The following KLHL12 variants were observed in gnomAD, a reference collection of about 807,000 sequenced individuals.
The protein encoded by KLHL12 is kelch-like protein 12.
Under a neutral mutation model 60.8 loss-of-function variants are expected in KLHL12, and 17 were observed. That is an observed-to-expected ratio of 0.28 (90% confidence interval 0.19 to 0.42). KLHL12 has a LOEUF of 0.42. KLHL12 is among the 10% of genes least tolerant of loss of function. KLHL12 has a pLI of 1.00. For synonymous variants in KLHL12, 220 were observed against 250.9 expected (o/e 0.88, Z 1.16); for missense variants, 468 against 722.3 (o/e 0.65, Z 4.04).
intron 2 of KLHL12, among the ~76,000 whole-genome samples, chr1:202,924,577 T>C (rs1049897582): frequency 3.3e-5 from 5 of 152,084 alleles, no homozygotes; most frequent in African/African-American, 9.7e-5. Flanking sequence ...GTGGGCAACA[T>C]AGTGAGACCC....
intron 6 of KLHL12, among the ~76,000 whole-genome samples, chr1:202,898,822 GAACAACATAAGTACTCAAAAACA>G (rs1329918834): frequency 2.6e-5 from 4 of 151,836 alleles, no homozygotes; most frequent in African/African-American, 9.7e-5. Flanking sequence ...ATTCTGATTT[GAACAACATAAGTACTCAAAAACA>G]AACAACAAAA....
Position 202,894,264 on chromosome 1 carries a change from T to C in KLHL12, c.1313A>G (p.Asn438Ser). ...GTATTTCTCAACTGAATTTAAGATA[T>C]TCAAGCCGTCATATCCTCCTGGAAG... ...IYCLGGYDGL[N>S]ILNSVEKYDP... is the part of the protein sequence containing the mutation. Residue 438 changes from asparagine to serine, a missense_variant, in exon 10 of 12, where the codon AAT becomes AGT. Asn to Ser is a conservative substitution (Grantham distance 46). Transcript: ENST00000367261. 4 of 1,555,424 alleles carry C rather than the reference T, an allele frequency of 2.6e-6. No individual in the cohort carries two copies. The highest frequency in any genetic ancestry group is 1.2e-5 in the South Asian group (1 of 84,448).
intron 1 of KLHL12, among the ~76,000 whole-genome samples, chr1:202,926,072 T>G (rs1188821916): frequency 7.4e-6 from 1 of 134,478 alleles, no homozygotes; most frequent in Non-Finnish European, 1.5e-5. Context: ...ACCACTGCAC[T>G]CCAGCCTGGG....
At position 202,893,440 on chromosome 1, in the gene KLHL12, T is replaced by C. The variant is rs961368643; in HGVS notation, c.1394-15A>G. ...TACTCCTGCACCTGGGGAAAATGAA[T>C]GCATTAGCAAATGTATGGTACTAAG... On this transcript the variant is annotated splice_polypyrimidine_tract_variant and intron_variant, in intron 10 of 11. Transcript: ENST00000367261. The surrounding 1 kb of genome is among the most constrained non-coding windows in gnomAD (Gnocchi z 4.1). 3 of 1,599,688 alleles carry C rather than the reference T, an allele frequency of 1.9e-6. No individual in the cohort carries two copies. Among genetic ancestry groups the C allele is most frequent in the African/African-American group, 2.7e-5 (2 of 74,578 alleles).
In KLHL12 at chr1:202,893,663, A is replaced by G. The variant is rs1197099010; in HGVS notation, c.1394-238T>C. Among the ~76,000 whole-genome samples, 1 of 152,250 alleles carries G rather than the reference A, an allele frequency of 6.6e-6. No individual in the cohort carries two copies. The highest frequency in any genetic ancestry group is 2.4e-5 in the African/African-American group (1 of 41,456). ...AAAAATGGTTCTCTTCTTTACTTTC[A>G]TTAACTCAGAGCCCAACCCTTCTAA... is the stretch of plus-strand genomic sequence containing the variant. On this transcript the variant is annotated intron_variant, in intron 10 of 11. Coordinates refer to ENST00000367261, the MANE Select transcript of KLHL12 (RefSeq NM_021633.4). The surrounding 1 kb of genome is among the most constrained non-coding windows in gnomAD (Gnocchi z 4.1).
intron 6 of KLHL12, among the ~76,000 whole-genome samples, chr1:202,903,746 C>T (rs1660095711): frequency 6.7e-6 from 1 of 149,306 alleles, no homozygotes; most frequent in Admixed American, 6.8e-5. Flanking sequence ...CCTCAACCTC[C>T]CCAATAGCTG....
intron 6 of KLHL12, among the ~76,000 whole-genome samples, chr1:202,897,520 G>A (rs78442588): frequency 0.018 from 2,699 of 151,594 alleles, 44 homozygotes; most frequent in South Asian, 0.044. Flanking sequence ...CACTGTGCCC[G>A]GCAACACTGC....
intron 6 of KLHL12, among the ~76,000 whole-genome samples, chr1:202,905,481 T>C (rs1240552719): frequency 3.9e-5 from 6 of 152,148 alleles, no homozygotes; most frequent in African/African-American, 1.4e-4. Flanking sequence ...CTAGAGTGAG[T>C]GTCGGAAATT....
chr1:202,902,291 A>G (rs1481949806), intron 6 of KLHL12, among the ~76,000 whole-genome samples: 3 of 152,012 alleles, frequency 2.0e-5, no homozygotes, highest in African/African-American at 7.2e-5. Flanking sequence ...TCAGCCAGAC[A>G]TGGTAGCACA....
rs1045464817 is a variant in KLHL12 at position 202,892,252 on chromosome 1, G to C, written c.*281C>G. ...ACCAAGCATGTGGTAAGTTAGAAAT[G>C]ACAGGAAAGTGCTCCCCAAAGCAGT... On this transcript the variant is annotated 3_prime_UTR_variant, in exon 12 of 12. Coordinates refer to ENST00000367261, the MANE Select transcript of KLHL12 (RefSeq NM_021633.4). 16 of 371,744 alleles carry C rather than the reference G, an allele frequency of 4.3e-5. No individual in the cohort carries two copies. The highest frequency in any genetic ancestry group is 7.5e-5 in the Non-Finnish European group (15 of 200,494). The allele number at this position is 371,744 out of a possible 1,614,324, so 23.0% of individuals were successfully genotyped here.
chr1:202,896,722 T>A, intron 7 of KLHL12, 132 bp downstream of exon 7: 1 of 732,066 alleles, frequency 1.4e-6, no homozygotes, highest in Non-Finnish European at 2.4e-6. Flanking sequence ...ACCTACTATA[T>A]GCACAAGACT....
chr1:202,917,428 G>A (rs962988093), intron 4 of KLHL12, among the ~76,000 whole-genome samples: 2 of 129,236 alleles, frequency 1.5e-5, no homozygotes, highest in Admixed American at 8.5e-5. Flanking sequence ...GCCCAGGCTA[G>A]TATCAAACTC....
rs947118241 is a variant in KLHL12, at chr1:202,927,138, G to A, written c.-95C>T. The A allele has an allele frequency of 6.4e-5, 63 of 985,418 alleles. No individual in the cohort carries two copies. The highest frequency in any genetic ancestry group is 7.6e-5 in the Non-Finnish European group (63 of 829,978). 61.0% of individuals were successfully genotyped at this position (985,418 alleles called of 1,614,324 possible). ...GCACCGGGCCCGTCCCCAGCCTGTG[G>A]GGATGGAGTGCGGCGCGGGGCTAGC... On this transcript the variant is annotated 5_prime_UTR_variant, in exon 1 of 12. Transcript: ENST00000367261.
rs535156574 is a variant in KLHL12, at chr1:202,926,409, A to T, written c.-46+680T>A. On this transcript the variant is annotated intron_variant, in intron 1 of 11. Transcript: ENST00000367261. ...TAAATTCTCATCTACTTCTGTTTGT[A>T]GTTGGCATTTTACTCTATAAGCACT... Among the ~76,000 whole-genome samples the T allele has an allele frequency of 3.9e-4, 59 of 152,338 alleles. 1 individual carries two copies. The South Asian group carries it at 9.3e-3, about 24-fold the overall frequency.
intron 6 of KLHL12, among the ~76,000 whole-genome samples, 165 bp downstream of exon 6, chr1:202,908,845 T>C (rs1035933088): frequency 2.0e-5 from 3 of 152,184 alleles, no homozygotes; most frequent in African/African-American, 7.2e-5. Flanking sequence ...CCTTGATTTA[T>C]AGGAAAGAAA....
intron 4 of KLHL12, among the ~76,000 whole-genome samples, chr1:202,915,977 A>G (rs1046703341): frequency 1.3e-5 from 2 of 152,248 alleles, no homozygotes; most frequent in African/African-American, 4.8e-5. Context: ...ATTAGCTATT[A>G]TATGTAGTGA....
At chr1:202,900,337 G>A (rs919835960) in intron 6 of KLHL12, among the ~76,000 whole-genome samples, 1 of 151,056 alleles carries the variant, frequency 6.6e-6, no homozygotes, top group African/African-American at 2.4e-5. Context: ...TGCGCCCAGG[G>A]GTTCGAGGCC....
chr1:202,894,172 A>C lies in KLHL12; in HGVS notation c.1393+12T>G. Reference sequence around the variant, plus strand: ...CATCGCCTATTGTCCCCTCCCTCAGATCTGGTCTTACCAGAACGCTTGGTG... The same window carrying C: ...CATCGCCTATTGTCCCCTCCCTCAGCTCTGGTCTTACCAGAACGCTTGGTG... On this transcript the variant is annotated intron_variant, in intron 10 of 11. Transcript: ENST00000367261. 1 of 1,486,818 alleles carries C rather than the reference A, an allele frequency of 6.7e-7. No individual in the cohort carries two copies. The highest frequency in any genetic ancestry group is 9.2e-7 in the Non-Finnish European group (1 of 1,087,616). 92.1% of individuals were successfully genotyped at this position (1,486,818 alleles called of 1,614,324 possible). A position where few individuals can be genotyped will look rare whatever the true frequency, so the allele number is the denominator to read the frequency against.
chr1:202,924,253 G>A (rs1394836668), intron 2 of KLHL12, among the ~76,000 whole-genome samples: 1 of 152,200 alleles, frequency 6.6e-6, no homozygotes, highest in African/African-American at 2.4e-5. Flanking sequence ...GTGCTTATGA[G>A]TTAACATCCT....
Sources: allele counts gnomAD v4.1 joint callset (sites outside exome capture counted in the v4.1 genomes callset), GRCh38; gene constraint gnomAD v4.1.1; non-coding constraint Gnocchi (gnomAD v3.1); transcripts MANE v1.5; gene names NCBI Gene and HGNC (gene_info 2026-07-23, HGNC 2026-07-21).